CPED1: variants seen among roughly 807,000 people sequenced by gnomAD.
The protein encoded by CPED1 is cadherin like and PC-esterase domain containing 1, also known as cadherin-like and PC-esterase domain-containing protein 1.
In CPED1, 114 loss-of-function variants were observed where a neutral mutation model predicts 128.2. The observed-to-expected ratio is 0.89, with a 90% CI of 0.76 to 1.04. The LOEUF (loss-of-function observed/expected upper bound fraction) is 1.04. Ranked by LOEUF, CPED1 falls within the 50% of genes least tolerant of loss-of-function variation. The pLI, the probability that CPED1 is intolerant of heterozygous loss-of-function variation, is 0.00. For missense variants in CPED1, 1,211 were observed against 1,207.1 expected (o/e 1.00, Z -0.05); for synonymous variants, 462 against 426.7 (o/e 1.08, Z -1.02).
chr7:121,204,146 T>G (rs1177640420), intron 16 of CPED1, among the ~76,000 whole-genome samples: 1 of 152,102 alleles, frequency 6.6e-6, no homozygotes, highest in Non-Finnish European at 1.5e-5. Flanking sequence ...GATGCCTCCA[T>G]TCTAAACTCT....
At position 121,025,560 on chromosome 7, in the gene CPED1, C is replaced by T. The variant is rs186516549; in HGVS notation, c.433+9712C>T. Among the ~76,000 whole-genome samples the T allele has an allele frequency of 2.0e-4, 31 of 152,156 alleles. No homozygotes were observed. The East Asian group carries it at 4.1e-3, about 20-fold the overall frequency. On this transcript the variant is annotated intron_variant, in intron 3 of 22. Transcript: ENST00000310396. ...CCCAAACTCGATGAAATGCATGAGC[C>T]GTAGTGGAATAAACACCTTGCTCGT...
intron 5 of CPED1, among the ~76,000 whole-genome samples, chr7:121,089,837 C>T (rs1794530801): frequency 6.6e-6 from 1 of 152,090 alleles, no homozygotes; most frequent in African/African-American, 2.4e-5. Context: ...CACCTTTGGT[C>T]TTGTTGCAGT....
At chr7:121,244,641 G>A (rs111245245) in intron 18 of CPED1, among the ~76,000 whole-genome samples, 1,997 of 152,272 alleles carry the variant, frequency 0.013, 53 homozygotes, top group African/African-American at 0.046. Context: ...AGCTTGCCAC[G>A]TCAACTGACA....
intron 16 of CPED1, among the ~76,000 whole-genome samples, chr7:121,167,147 T>C (rs777232010): frequency 6.6e-6 from 1 of 152,218 alleles, no homozygotes; most frequent in Non-Finnish European, 1.5e-5. Context: ...GTCTAGCCCA[T>C]CAGGCCTAGA....
At chr7:121,137,424 C>A (rs1420322889) in intron 14 of CPED1, among the ~76,000 whole-genome samples, 1 of 152,028 alleles carries the variant, frequency 6.6e-6, no homozygotes, top group Non-Finnish European at 1.5e-5. Flanking sequence ...CCTCCCGCCT[C>A]AGCCTCTCAA....
intron 16 of CPED1, among the ~76,000 whole-genome samples, chr7:121,203,262 G>A (rs1256653586): frequency 6.6e-6 from 1 of 151,996 alleles, no homozygotes; most frequent in Non-Finnish European, 1.5e-5. Context: ...TCTCTCAGAG[G>A]CTAATCCCTC....
chr7:121,227,206 T>C (rs1045743956), intron 16 of CPED1, among the ~76,000 whole-genome samples: 17 of 152,044 alleles, frequency 1.1e-4, no homozygotes, highest in African/African-American at 3.9e-4. Context: ...TCCCCTTTTT[T>C]CTCTATTCCA....
intron 16 of CPED1, among the ~76,000 whole-genome samples, chr7:121,194,430 A>T (rs1797224114): frequency 6.6e-6 from 1 of 152,142 alleles, no homozygotes; most frequent in Non-Finnish European, 1.5e-5. Context: ...TAATTTAATT[A>T]AAATGGACTG....
intron 2 of CPED1, among the ~76,000 whole-genome samples, chr7:121,003,438 A>C (rs969749987): frequency 1.3e-5 from 2 of 152,246 alleles, no homozygotes; most frequent in African/African-American, 4.8e-5. Context: ...AAGGACTTGA[A>C]AACTTGATAT....
At chr7:121,171,964 T>C (rs1796656129) in intron 16 of CPED1, among the ~76,000 whole-genome samples, 1 of 152,220 alleles carries the variant, frequency 6.6e-6, no homozygotes, top group African/African-American at 2.4e-5. Context: ...CTTTCTCTTT[T>C]AAAAATCTAT....
intron 2 of CPED1, among the ~76,000 whole-genome samples, chr7:121,010,881 T>C (rs935559269): frequency 6.6e-6 from 1 of 152,210 alleles, no homozygotes; most frequent in African/African-American, 2.4e-5. Context: ...AATTATAACA[T>C]AAGTTTTAAA....
chr7:121,047,708 TC>T (rs1793246669), intron 4 of CPED1, among the ~76,000 whole-genome samples: 3 of 104,814 alleles, frequency 2.9e-5, no homozygotes, highest in Non-Finnish European at 5.7e-5. Flanking sequence ...TTCTTCTTCT[TC>T]TTCTTCTTTT....
At chr7:121,185,107 G>A (rs1218713559) in intron 16 of CPED1, among the ~76,000 whole-genome samples, 2 of 152,010 alleles carry the variant, frequency 1.3e-5, no homozygotes, top group Admixed American at 6.6e-5. Flanking sequence ...GTATGGCTCA[G>A]TACTATCCTA....
At chr7:121,064,729 T>C (rs1793781400) in intron 5 of CPED1, among the ~76,000 whole-genome samples, 1 of 152,166 alleles carries the variant, frequency 6.6e-6, no homozygotes, top group African/African-American at 2.4e-5. Flanking sequence ...TCCTCTCAAT[T>C]TGTCTGTGTG....
intron 16 of CPED1, among the ~76,000 whole-genome samples, chr7:121,231,625 A>G (rs1469541595): frequency 1.3e-5 from 2 of 152,076 alleles, no homozygotes; most frequent in Admixed American, 1.3e-4. Context: ...GGATGGAGAT[A>G]GATTGGATTG....
chr7:121,199,027 G>A (rs1797329704), intron 16 of CPED1, among the ~76,000 whole-genome samples: 1 of 152,170 alleles, frequency 6.6e-6, no homozygotes, highest in South Asian at 2.1e-4. Flanking sequence ...TAACTCTACA[G>A]TCTATGAGTG....
chr7:121,229,919 T>G (rs1798099556), intron 16 of CPED1, among the ~76,000 whole-genome samples: 1 of 151,940 alleles, frequency 6.6e-6, no homozygotes, highest in Non-Finnish European at 1.5e-5. Context: ...AAAGTAGAAG[T>G]TATTCAAGTC....
rs377399836 is a variant in CPED1, at chr7:121,110,718, C to G, written c.918+10624C>G. On this transcript the variant is annotated intron_variant, in intron 7 of 22. Coordinates refer to ENST00000310396, the MANE Select transcript of CPED1 (RefSeq NM_024913.5). ...AGAAATTGAATTTTTTCCCTATGGG[C>G]AAAGGGATGCCTCTAAAAGATAGTG... 5.9e-5 allele frequency among the ~76,000 whole-genome samples: 9 copies of G among 152,100 alleles called. 1 individual carries two copies. Among genetic ancestry groups the G allele is most frequent in the African/African-American group, 9.7e-5 (4 of 41,428 alleles).
chr7:121,133,974 A>G (rs1795731565), intron 13 of CPED1, 81 bp downstream of exon 13: 6 of 731,874 alleles, frequency 8.2e-6, no homozygotes, highest in Non-Finnish European at 1.1e-5. Flanking sequence ...ATTTAGCTTC[A>G]TTAGCAATCA....
Sources: allele counts gnomAD v4.1 joint callset (sites outside exome capture counted in the v4.1 genomes callset), GRCh38; gene constraint gnomAD v4.1.1; transcripts MANE v1.5; gene names NCBI Gene and HGNC (gene_info 2026-07-23, HGNC 2026-07-21).